The following SLC16A12 variants were observed in gnomAD, a reference collection of about 807,000 sequenced individuals.
SLC16A12 encodes monocarboxylate transporter 12.
SLC16A12 carries 17 observed loss-of-function variants against 42.4 expected under a neutral mutation model. The ratio of observed to expected loss-of-function variants is 0.40; its 90% CI spans 0.27 to 0.60. The LOEUF is 0.60. Among genes scored for constraint, SLC16A12 ranks in the 20% least tolerant of loss-of-function variants. The pLI is 0.42. For missense variants in SLC16A12, 544 were observed against 623.0 expected (o/e 0.87, Z 1.35); for synonymous variants, 224 against 229.4 (o/e 0.98, Z 0.21).
intron 2 of SLC16A12, among the ~76,000 whole-genome samples, chr10:89,533,992 G>T (rs1843604101): frequency 6.6e-6 from 1 of 152,204 alleles, no homozygotes; most frequent in Non-Finnish European, 1.5e-5. Flanking sequence ...TCCATCACCA[G>T]TTAACAGTAT....
At chr10:89,491,732 A>G (rs542525352) in intron 2 of SLC16A12, among the ~76,000 whole-genome samples, 1 of 152,342 alleles carries the variant, frequency 6.6e-6, no homozygotes, top group South Asian at 2.1e-4. Flanking sequence ...TTTGTGACTT[A>G]AAATGACCCA....
intron 2 of SLC16A12, among the ~76,000 whole-genome samples, chr10:89,524,425 CT>C (rs1409784014): frequency 6.6e-6 from 1 of 152,232 alleles, no homozygotes; most frequent in Non-Finnish European, 1.5e-5. Context: ...TATTCCCTAC[CT>C]GTCAGCCATG....
At chr10:89,453,103 T>G (rs1284954445) in intron 3 of SLC16A12, among the ~76,000 whole-genome samples, 1 of 152,222 alleles carries the variant, frequency 6.6e-6, no homozygotes, top group Non-Finnish European at 1.5e-5. Flanking sequence ...TATCCAGTGA[T>G]TTAAGAAACC....
intron 3 of SLC16A12, among the ~76,000 whole-genome samples, chr10:89,460,850 C>A (rs1162310237): frequency 2.0e-5 from 3 of 151,824 alleles, no homozygotes; most frequent in Non-Finnish European, 4.4e-5. Context: ...AATTTATATT[C>A]CCACCAACAG....
intron 2 of SLC16A12, among the ~76,000 whole-genome samples, chr10:89,473,415 G>T (rs148378126): frequency 9.1e-4 from 138 of 152,186 alleles, no homozygotes; most frequent in African/African-American, 3.0e-3. Context: ...CAAACCTATA[G>T]ATAGAACATG....
rs1285123603 is a variant in SLC16A12 at position 89,436,902 on chromosome 10, A to AAG, written c.1029-585_1029-584dup. ...AAAGAAAGAAAGAAAGAAAGAAAGA[A>AAG]AGAAAGAAAGAAAAAGAAAGAGTGC... On this transcript the variant is annotated intron_variant, in intron 6 of 7. Transcript: ENST00000371790. Among the ~76,000 whole-genome samples the AAG allele has an allele frequency of 2.9e-4, 44 of 149,986 alleles. 1 individual carries two copies. Among genetic ancestry groups the AAG allele is most frequent in the Admixed American group, 2.3e-3 (35 of 15,186 alleles).
At chr10:89,518,605 G>T (rs987429395) in intron 2 of SLC16A12, among the ~76,000 whole-genome samples, 1 of 152,206 alleles carries the variant, frequency 6.6e-6, no homozygotes, top group Non-Finnish European at 1.5e-5. Flanking sequence ...TCTGGAAAAA[G>T]AAACGAAGAA....
At chr10:89,482,479 A>G (rs978297438) in intron 2 of SLC16A12, among the ~76,000 whole-genome samples, 1 of 152,192 alleles carries the variant, frequency 6.6e-6, no homozygotes, top group East Asian at 1.9e-4. Context: ...ATGAGAAGTC[A>G]TAGTTAAGAG....
At chr10:89,488,818 G>A (rs1452940499) in intron 2 of SLC16A12, among the ~76,000 whole-genome samples, 3 of 152,008 alleles carry the variant, frequency 2.0e-5, no homozygotes, top group Non-Finnish European at 4.4e-5. Context: ...TATGCACAGA[G>A]ATATTGAGAT....
chr10:89,444,752 G>T (rs1033520041), intron 3 of SLC16A12, among the ~76,000 whole-genome samples: 2 of 152,218 alleles, frequency 1.3e-5, no homozygotes, highest in East Asian at 1.9e-4. Flanking sequence ...ACTGGGACTC[G>T]TTGGACAGTG....
chr10:89,526,456 C>T (rs1843454151), intron 2 of SLC16A12, among the ~76,000 whole-genome samples: 1 of 152,194 alleles, frequency 6.6e-6, no homozygotes, highest in African/African-American at 2.4e-5. Flanking sequence ...TCCCCACAGG[C>T]ATCAAAGTTA....
intron 2 of SLC16A12, among the ~76,000 whole-genome samples, chr10:89,511,173 G>C (rs1251683517): frequency 6.6e-6 from 1 of 152,212 alleles, no homozygotes; most frequent in Non-Finnish European, 1.5e-5. Context: ...ACAGTGTGGT[G>C]ACTCCTCAAG....
intron 2 of SLC16A12, among the ~76,000 whole-genome samples, chr10:89,524,536 C>A (rs566693047): frequency 6.6e-6 from 1 of 152,170 alleles, no homozygotes; most frequent in Non-Finnish European, 1.5e-5. Flanking sequence ...GTTCAACCTG[C>A]GAATTTCTAC....
chr10:89,474,014 T>C (rs574842742), intron 2 of SLC16A12, among the ~76,000 whole-genome samples: 2 of 152,272 alleles, frequency 1.3e-5, no homozygotes, highest in East Asian at 3.9e-4. Context: ...ATAAATTTCT[T>C]TCAACTCACT....
chr10:89,552,105 T>G (rs1564606697), intron 2 of SLC16A12, among the ~76,000 whole-genome samples: 1 of 152,040 alleles, frequency 6.6e-6, no homozygotes, highest in Non-Finnish European at 1.5e-5. Context: ...CTGGCTAATT[T>G]TTGTATTTTT....
At chr10:89,484,597 TA>T (rs1184683378) in intron 2 of SLC16A12, among the ~76,000 whole-genome samples, 1 of 152,096 alleles carries the variant, frequency 6.6e-6, no homozygotes, top group Non-Finnish European at 1.5e-5. Flanking sequence ...AGAGATCCAA[TA>T]AATAGTCTGT....
In SLC16A12 at chr10:89,450,266, A is replaced by G. The variant is rs1589668508; in HGVS notation, c.201-6407T>C. On this transcript the variant is annotated intron_variant, in intron 3 of 7. Transcript: ENST00000371790. ...CCAGTGATCCTGTTACTGGGTATAT[A>G]CCCAAAGGATTATAAATGATGCTAC... 5.9e-5 allele frequency among the ~76,000 whole-genome samples: 9 copies of G among 152,342 alleles called. 3 individuals carry two copies. The highest frequency in any genetic ancestry group is 5.9e-4 in the Admixed American group (9 of 15,300).
At chr10:89,537,114 C>T (rs965164444), upstream of SLC16A12, among the ~76,000 whole-genome samples, 25 of 148,612 alleles carry the variant, frequency 1.7e-4, no homozygotes, top group Non-Finnish European at 3.4e-4. Flanking sequence ...CAGTAGGGAG[C>T]ATTTGCCACG....
At chr10:89,530,241 T>C (rs1231877460) in intron 2 of SLC16A12, among the ~76,000 whole-genome samples, 1 of 152,196 alleles carries the variant, frequency 6.6e-6, no homozygotes, top group Non-Finnish European at 1.5e-5. Context: ...AAATTTTTAC[T>C]GTACTCTTCA....
Sources: allele counts gnomAD v4.1 joint callset (sites outside exome capture counted in the v4.1 genomes callset), GRCh38; gene constraint gnomAD v4.1.1; transcripts MANE v1.5; gene names NCBI Gene and HGNC (gene_info 2026-07-23, HGNC 2026-07-21).